PROM1: variants seen among roughly 807,000 people sequenced by gnomAD.
PROM1 encodes prominin 1.
A neutral mutation model predicts 116.9 loss-of-function variants in PROM1; 105 were observed. The ratio of observed to expected loss-of-function variants is 0.90; its 90% CI spans 0.77 to 1.06. The LOEUF is 1.06. Ranked by LOEUF, PROM1 falls within the 50% of genes least tolerant of loss-of-function variation. PROM1 has a pLI of 0.00. For synonymous variants in PROM1, 393 were observed against 387.0 expected (o/e 1.02, Z -0.18); for missense variants, 1,122 against 1,045.2 (o/e 1.07, Z -1.01).
chr4:15,972,497 T>C lies in PROM1; in HGVS notation c.2583-1415A>G, dbSNP rs185119712. ...CCCATGATAATGGCATTAATCCATT[T>C]ATGAAGGCAGAACTCTCATGACTTA... is the stretch of plus-strand genomic sequence containing the variant. On this transcript the variant is annotated intron_variant, in intron 26 of 27. Coordinates refer to ENST00000447510, the MANE Select transcript of PROM1 (RefSeq NM_006017.3). Among the ~76,000 whole-genome samples the C allele has an allele frequency of 1.1e-4, 16 of 152,276 alleles. No individual in the cohort carries two copies. In the East Asian group the frequency reaches 3.1e-3, roughly 29 times the overall value.
chr4:16,041,971 G>A (rs1052862847), intron 2 of PROM1, among the ~76,000 whole-genome samples: 1 of 151,930 alleles, frequency 6.6e-6, no homozygotes, highest in African/African-American at 2.4e-5. Context: ...ACCATGCACA[G>A]ATAACTTTTT....
chr4:16,001,682 A>G (rs1185545581), intron 13 of PROM1, among the ~76,000 whole-genome samples: 2 of 152,168 alleles, frequency 1.3e-5, no homozygotes, highest in Non-Finnish European at 2.9e-5. Context: ...AAACAAGTGC[A>G]GTCATGGGGG....
intron 23 of PROM1, among the ~76,000 whole-genome samples, chr4:15,980,774 T>A (rs570545320): frequency 3.2e-4 from 48 of 152,120 alleles, no homozygotes; most frequent in African/African-American, 1.1e-3. Flanking sequence ...TATTATTATG[T>A]TTATTTTACA....
chr4:16,016,192 T>G lies in PROM1; in HGVS notation c.1051A>C (p.Thr351Pro). The change falls in exon 10 of 28, where the codon ACA becomes CCA. Residue 351 changes from threonine to proline, a missense_variant. Transcript: ENST00000447510. ...TGTTGGACCAGGCCATCCAAATCTG[T>G]CCTAAGAACGTTATTAACGTTGTCA... ...ELDNVNNVLR[T>P]DLDGLVQQGY... 1.9e-6 allele frequency: 3 copies of G among 1,555,134 alleles called. No homozygotes were observed. The highest frequency in any genetic ancestry group is 2.6e-6 in the Non-Finnish European group (3 of 1,148,582).
At chr4:16,044,014 T>G (rs1223857403) in intron 2 of PROM1, among the ~76,000 whole-genome samples, 3 of 152,206 alleles carry the variant, frequency 2.0e-5, no homozygotes, top group Non-Finnish European at 4.4e-5. Flanking sequence ...CTCTTGCAGT[T>G]TCTCACTACA....
At chr4:15,976,006 C>A (rs928830368) in intron 26 of PROM1, among the ~76,000 whole-genome samples, 5 of 152,146 alleles carry the variant, frequency 3.3e-5, no homozygotes, top group Admixed American at 6.5e-5. Flanking sequence ...TGCTGTGGAC[C>A]GTTAAGGAAG....
At chr4:16,060,364 C>A (rs1015046510) in intron 2 of PROM1, among the ~76,000 whole-genome samples, 4 of 150,208 alleles carry the variant, frequency 2.7e-5, no homozygotes, top group African/African-American at 9.8e-5. Flanking sequence ...GGCCAGAGTG[C>A]AGTGGTGCAA....
chr4:16,051,794 G>A (rs1024577376), intron 2 of PROM1, among the ~76,000 whole-genome samples: 2 of 152,122 alleles, frequency 1.3e-5, no homozygotes, highest in Non-Finnish European at 2.9e-5. Context: ...TAATGAGCCC[G>A]GCATTTTAAC....
At chr4:16,039,127 ATTC>A in intron 2 of PROM1, 126 bp from the exon 3 acceptor site, 3 of 774,696 alleles carry the variant, frequency 3.9e-6, no homozygotes, top group Non-Finnish European at 3.5e-6. Flanking sequence ...TTATAATTTT[ATTC>A]TTATTTCTTA....
rs1173016433 is a variant in PROM1 at position 15,991,240 on chromosome 4, T to G, written c.1965A>C (p.Glu655Asp). The change falls in exon 18 of 28, where the codon GAA (glutamate) becomes GAC (aspartate). Residue 655 changes from glutamate (E) to aspartate (D), a missense_variant. Coordinates refer to ENST00000447510, the MANE Select transcript of PROM1 (RefSeq NM_006017.3). ...AACTCACCAAACTGTTTGCTTTTGC[T>G]TCTAGATCATATGCAAATGATAAAA... ...VNLLSFAYDL[E>D]AKANSLPPGN... 2 of 1,608,650 alleles carry G rather than the reference T, an allele frequency of 1.2e-6. No individual in the cohort carries two copies. Among genetic ancestry groups the G allele is most frequent in the African/African-American group, 2.7e-5 (2 of 74,648 alleles).
intron 27 of PROM1, among the ~76,000 whole-genome samples, chr4:15,970,252 G>C (rs574238050): frequency 8.6e-5 from 12 of 139,062 alleles, no homozygotes; most frequent in African/African-American, 3.2e-4. Context: ...TGCAACCTCT[G>C]CCTCCCAGGT....
chr4:15,992,122 G>T, intron 17 of PROM1, 126 bp downstream of exon 17: 2 of 1,219,788 alleles, frequency 1.6e-6, no homozygotes, highest in Non-Finnish European at 2.3e-6. Flanking sequence ...CCACCGAATT[G>T]CTCACTTTAA....
chr4:16,006,123 A>T (rs1012697303), intron 13 of PROM1, among the ~76,000 whole-genome samples: 1 of 152,232 alleles, frequency 6.6e-6, no homozygotes, highest in Non-Finnish European at 1.5e-5. Context: ...AGCTAGCAAT[A>T]CTGCTGACCA....
intron 9 of PROM1, among the ~76,000 whole-genome samples, chr4:16,017,958 A>G (rs1728813893): frequency 6.6e-6 from 1 of 152,252 alleles, no homozygotes. Context: ...TCTTTGGGAA[A>G]ATCGAATTTT....
intron 20 of PROM1, among the ~76,000 whole-genome samples, chr4:15,986,269 T>G (rs1298239155): frequency 6.6e-6 from 1 of 152,142 alleles, no homozygotes; most frequent in African/African-American, 2.4e-5. Flanking sequence ...AGGAATGGCC[T>G]TGCTGGACTT....
chr4:15,978,406 G>C (rs973549900), intron 26 of PROM1, among the ~76,000 whole-genome samples: 9 of 152,206 alleles, frequency 5.9e-5, no homozygotes, highest in African/African-American at 1.7e-4. Flanking sequence ...ATCTGACCAA[G>C]GTGGAGCATC....
chr4:16,012,262 G>C (rs1038135865), intron 11 of PROM1, among the ~76,000 whole-genome samples: 2 of 152,138 alleles, frequency 1.3e-5, no homozygotes, highest in Admixed American at 6.5e-5. Flanking sequence ...CTCCCAAAGT[G>C]CTGGGATTGC....
At chr4:16,012,343 T>C (rs1560481215) in intron 11 of PROM1, among the ~76,000 whole-genome samples, 1 of 152,172 alleles carries the variant, frequency 6.6e-6, no homozygotes, top group East Asian at 1.9e-4. Flanking sequence ...TCTCTAACCT[T>C]GCACAAAGAA....
chr4:16,025,463 A>G (rs1160494891), intron 5 of PROM1, among the ~76,000 whole-genome samples, 151 bp from the exon 6 acceptor site: 1 of 152,130 alleles, frequency 6.6e-6, no homozygotes, highest in Non-Finnish European at 1.5e-5. Flanking sequence ...CATCCTTCCC[A>G]CCGCCATCCC....
Sources: allele counts gnomAD v4.1 joint callset (sites outside exome capture counted in the v4.1 genomes callset), GRCh38; gene constraint gnomAD v4.1.1; transcripts MANE v1.5; gene names NCBI Gene and HGNC (gene_info 2026-07-23, HGNC 2026-07-21).